Variants in ADD2 observed in about 807,000 individuals in gnomAD.
ADD2 encodes the protein beta-adducin.
ADD2 carries 23 observed loss-of-function variants against 83.0 expected under a neutral mutation model. The observed-to-expected ratio is 0.28, with a 90% confidence interval of 0.20 to 0.39. ADD2 has a LOEUF of 0.39. ADD2 is among the 10% of genes least tolerant of loss of function. The pLI is 1.00. For missense variants in ADD2, 758 were observed against 944.9 expected (o/e 0.80, Z 2.59); for synonymous variants, 375 against 375.4 (o/e 1.00, Z 0.01).
intron 1 of ADD2, among the ~76,000 whole-genome samples, chr2:70,725,641 AG>A (rs1672953090): frequency 6.6e-6 from 1 of 152,098 alleles, no homozygotes; most frequent in African/African-American, 2.4e-5. Flanking sequence ...CCACAAGCCA[AG>A]GAACACCAGG....
chr2:70,731,839 T>C (rs1673299074), intron 1 of ADD2, among the ~76,000 whole-genome samples: 1 of 152,238 alleles, frequency 6.6e-6, no homozygotes. Flanking sequence ...AGCCCATATG[T>C]GTCATGTCAG....
chr2:70,746,798 C>T (rs1464880500), intron 1 of ADD2, among the ~76,000 whole-genome samples: 4 of 152,116 alleles, frequency 2.6e-5, no homozygotes, highest in Admixed American at 1.3e-4. Context: ...AGCAACAGCC[C>T]CCATGCCTGG....
chr2:70,677,564 G>C (rs1471665876), intron 12 of ADD2, among the ~76,000 whole-genome samples, 194 bp downstream of exon 12: 2 of 152,162 alleles, frequency 1.3e-5, no homozygotes, highest in Admixed American at 6.5e-5. Flanking sequence ...CTAGGTAAAG[G>C]GTTACGGGAC....
Position 70,676,332 on chromosome 2 carries a change from G to A in ADD2, c.1593+464C>T. 9.7e-7 allele frequency: 1 copy of A among 1,026,676 alleles called. No individual in the cohort carries two copies. The highest frequency in any genetic ancestry group is 1.2e-6 in the Non-Finnish European group (1 of 856,896). 63.6% of individuals were successfully genotyped at this position (1,026,676 alleles called of 1,614,324 possible). On this transcript the variant is annotated intron_variant, in intron 13 of 15. Coordinates refer to ENST00000264436, the MANE Select transcript of ADD2 (RefSeq NM_001617.4). The surrounding 1 kb of genome is among the most constrained non-coding windows in gnomAD (Gnocchi z 4.8). The stretch of plus-strand genomic sequence containing the variant: ...CCCATCCTGTAGGAGCATGGGTCCT[G>A]TCTATATACCCCTTCTCTATGGGTA...
chr2:70,673,243 A>G (rs1254701909), intron 14 of ADD2: 1 of 1,613,728 alleles, frequency 6.2e-7, no homozygotes, highest in African/African-American at 1.3e-5. Context: ...ACACCTACCA[A>G]TATGTTACTC....
chr2:70,755,213 C>T (rs1674706985), intron 1 of ADD2, among the ~76,000 whole-genome samples: 1 of 152,196 alleles, frequency 6.6e-6, no homozygotes, highest in African/African-American at 2.4e-5. Flanking sequence ...TCATTTCCCA[C>T]CTTCTCATCT....
At chr2:70,750,400 C>A (rs1472713644) in intron 1 of ADD2, among the ~76,000 whole-genome samples, 5 of 152,188 alleles carry the variant, frequency 3.3e-5, no homozygotes, top group African/African-American at 9.7e-5. Context: ...GAAACAGGAT[C>A]TCTGCAGATG....
intron 1 of ADD2, among the ~76,000 whole-genome samples, chr2:70,738,139 TAAACA>T (rs1360414456): frequency 6.6e-6 from 1 of 152,158 alleles, no homozygotes; most frequent in Non-Finnish European, 1.5e-5. Context: ...GACATATCTA[TAAACA>T]AAACAAAAAT....
At chr2:70,678,293 A>G (rs542163513) in intron 11 of ADD2, among the ~76,000 whole-genome samples, 1 of 152,356 alleles carries the variant, frequency 6.6e-6, no homozygotes, top group East Asian at 1.9e-4. Context: ...GGGTGGGGAC[A>G]GGGAGAGAAA....
chr2:70,712,302 G>C (rs905141414), intron 2 of ADD2, among the ~76,000 whole-genome samples: 1 of 151,772 alleles, frequency 6.6e-6, no homozygotes, highest in African/African-American at 2.4e-5. Flanking sequence ...AAATTAGGCG[G>C]GCATGGTGGT....
rs1238610912 is a variant in ADD2, at chr2:70,713,093, G to T, written c.-62C>A. ...GGAGGCTGGCCCAGCCCTGTCCAAG[G>T]CTCCTTCTGTTCACTGCTCAGTCTG... On this transcript the variant is annotated 5_prime_UTR_variant, in exon 2 of 16. Transcript: ENST00000264436. The T allele has an allele frequency of 4.8e-5, 47 of 985,390 alleles. No homozygotes were observed. Among genetic ancestry groups the T allele is most frequent in the Non-Finnish European group, 5.5e-5 (46 of 830,074 alleles). The allele number at this position is 985,390 out of a possible 1,614,324, so 61.0% of individuals were successfully genotyped here.
At chr2:70,693,244 C>G (rs907570530) in intron 6 of ADD2, among the ~76,000 whole-genome samples, 3 of 152,212 alleles carry the variant, frequency 2.0e-5, no homozygotes, top group African/African-American at 7.2e-5. Context: ...CTGAAGCCAG[C>G]CCCTCCCAGT....
intron 13 of ADD2, chr2:70,675,518 A>G: frequency 1.0e-6 from 1 of 985,484 alleles, no homozygotes; most frequent in Non-Finnish European, 1.2e-6. Context: ...CATAAGCTTC[A>G]GGAATTCTTT....
chr2:70,712,555 G>T (rs1672250485), intron 2 of ADD2, among the ~76,000 whole-genome samples: 1 of 151,780 alleles, frequency 6.6e-6, no homozygotes, highest in Admixed American at 6.6e-5. Context: ...AACCAGGTTT[G>T]TCTCTAGCCC....
At chr2:70,664,989 TGA>T (rs1675717201) in intron 15 of ADD2, among the ~76,000 whole-genome samples, 1 of 80,732 alleles carries the variant, frequency 1.2e-5, no homozygotes, top group African/African-American at 4.6e-5. Context: ...TGTGTGCGAG[TGA>T]GTGTGTGACA....
rs1348020093 is a variant in ADD2 at position 70,656,916 on chromosome 2, G to T, written c.*6509C>A. ...GACACCAAAGCAGCAGGAGGGCTCA[G>T]GAAGTGGCTTTGGAAAGTTCTCGTG... On this transcript the variant is annotated 3_prime_UTR_variant, in exon 16 of 16. Transcript: ENST00000264436. The T allele has an allele frequency of 6.6e-6, 1 of 152,126 alleles. No homozygotes were observed. The highest frequency in any genetic ancestry group is 1.5e-5 in the Non-Finnish European group (1 of 68,034). 9.4% of individuals were successfully genotyped at this position (152,126 alleles called of 1,614,324 possible).
At position 70,706,267 on chromosome 2, in the gene ADD2, T is replaced by A; in HGVS notation, c.142A>T (p.Met48Leu). ...AADLRQDFNL[M>L]EQKKRVTMIL... ...ATGGTGACGCGCTTCTTCTGCTCCA[T>A]CAGGTTGAAGTCCTGCCGCAGGTCC... The change falls in exon 3 of 16, where the codon ATG (methionine) becomes TTG (leucine). Residue 48 changes from methionine (M) to leucine (L), a missense_variant. Around this residue, in one of 5 missense-constraint regions of ADD2, gnomAD observed 175 missense variants for 192.1 expected, o/e 0.91. Transcript: ENST00000264436. This position sits in a 1 kb window ranked among gnomAD's most constrained non-coding sequence, Gnocchi z 5.0. 1.2e-6 allele frequency: 2 copies of A among 1,614,082 alleles called. No individual in the cohort carries two copies. The highest frequency in any genetic ancestry group is 1.7e-6 in the Non-Finnish European group (2 of 1,180,000).
intron 1 of ADD2, among the ~76,000 whole-genome samples, chr2:70,735,158 T>C (rs1553379871): frequency 6.6e-6 from 1 of 152,158 alleles, no homozygotes; most frequent in Non-Finnish European, 1.5e-5. Context: ...TTAATGATGA[T>C]GGTGATTGTT....
chr2:70,764,442 T>C (rs1675278762), intron 1 of ADD2, among the ~76,000 whole-genome samples: 1 of 151,884 alleles, frequency 6.6e-6, no homozygotes, highest in African/African-American at 2.4e-5. Flanking sequence ...GTGTGTCCTG[T>C]GTAGACTCAC....
Sources: allele counts gnomAD v4.1 joint callset (sites outside exome capture counted in the v4.1 genomes callset), GRCh38; gene constraint gnomAD v4.1.1; regional missense constraint gnomAD v4.1.1; non-coding constraint Gnocchi (gnomAD v3.1); transcripts MANE v1.5; gene names NCBI Gene and HGNC (gene_info 2026-07-23, HGNC 2026-07-21).